ATP9A: variants seen among roughly 807,000 people sequenced by gnomAD.
The protein encoded by ATP9A is ATPase phospholipid transporting 9A.
A neutral mutation model predicts 144.1 loss-of-function variants in ATP9A; 52 were observed. The observed-to-expected ratio is 0.36, with a 90% CI of 0.29 to 0.45. ATP9A has a LOEUF of 0.45. Among genes scored for constraint, ATP9A ranks in the 20% least tolerant of loss-of-function variants. The pLI, the probability that ATP9A is intolerant of heterozygous loss-of-function variation, is 1.00. For synonymous variants in ATP9A, 582 were observed against 557.4 expected (o/e 1.04, Z -0.62); for missense variants, 947 against 1,392.7 (o/e 0.68, Z 5.09).
chr20:51,661,405 C>A (rs922355283), intron 13 of ATP9A, among the ~76,000 whole-genome samples: 1 of 151,744 alleles, frequency 6.6e-6, no homozygotes, highest in Non-Finnish European at 1.5e-5. Context: ...ACTCTGTTGC[C>A]CAGGCTGGAG....
intron 3 of ATP9A, among the ~76,000 whole-genome samples, chr20:51,714,393 T>TGTC (rs1258201709): frequency 2.6e-5 from 4 of 151,810 alleles, no homozygotes; most frequent in Non-Finnish European, 5.9e-5. Context: ...TTGTTGTTGT[T>TGTC]GTCATTGTTA....
intron 1 of ATP9A, among the ~76,000 whole-genome samples, chr20:51,757,199 G>A (rs141762590): frequency 0.024 from 3,666 of 152,234 alleles, 64 homozygotes; most frequent in Non-Finnish European, 0.038. Flanking sequence ...CATATTTTTA[G>A]TAGAGACAGG....
intron 10 of ATP9A, 84 bp from the exon 11 acceptor site, chr20:51,674,397 G>T (rs1241525056): frequency 1.4e-6 from 2 of 1,429,744 alleles, no homozygotes; most frequent in Non-Finnish European, 1.9e-6. Flanking sequence ...AGGCTGCAGT[G>T]AGCTGAGCCT....
intron 1 of ATP9A, among the ~76,000 whole-genome samples, chr20:51,741,024 TA>T (rs1374918435): frequency 2.2e-4 from 33 of 151,912 alleles, no homozygotes; most frequent in African/African-American, 8.0e-4. Flanking sequence ...TAATTAAAAT[TA>T]AATTTTAATT....
intron 10 of ATP9A, among the ~76,000 whole-genome samples, chr20:51,675,612 G>C (rs1406864426): frequency 6.6e-6 from 1 of 152,228 alleles, no homozygotes; most frequent in Non-Finnish European, 1.5e-5. Flanking sequence ...GGGCGCCATG[G>C]CTCACGCCTG....
rs553663547 is a variant in ATP9A at position 51,605,494 on chromosome 20, T to C, written c.2804-474A>G. ...TTAGCCAGGCATGGTGGCATGCACCTGTAGTCCCAGCTACTCAGGAGGCTG... is the reference window on the plus strand; with the variant it reads ...TTAGCCAGGCATGGTGGCATGCACCCGTAGTCCCAGCTACTCAGGAGGCTG... On this transcript the variant is annotated intron_variant, in intron 26 of 27. Transcript: ENST00000338821. Among the ~76,000 whole-genome samples, 20 of 152,296 alleles carry C rather than the reference T, an allele frequency of 1.3e-4. 1 individual carries two copies. The South Asian group carries it at 4.1e-3, about 32-fold the overall frequency.
chr20:51,723,563 CTTTTT>C lies in ATP9A; in HGVS notation c.327+2251_327+2255del, dbSNP rs753282602. Among the ~76,000 whole-genome samples, 88 of 133,248 alleles carry C rather than the reference CTTTTT, an allele frequency of 6.6e-4. 3 individuals are homozygous for C. The highest frequency in any genetic ancestry group is 5.2e-4 in the African/African-American group (19 of 36,812). The allele number at this position is 133,248 out of a possible 152,430, so 87.4% of individuals were successfully genotyped here. A position where few individuals can be genotyped will look rare whatever the true frequency, so the allele number is the denominator to read the frequency against. ...ACTACAGCCTGGGCAACAGCAAATT[CTTTTT>C]TTTTTTTTTTTTTTTGAGACGGAGT... On this transcript the variant is annotated intron_variant, in intron 3 of 27. Coordinates refer to ENST00000338821, the MANE Select transcript of ATP9A (RefSeq NM_006045.3).
chr20:51,625,464 C>G, intron 17 of ATP9A, 102 bp from the exon 18 acceptor site: 3 of 1,332,168 alleles, frequency 2.3e-6, no homozygotes, highest in Admixed American at 4.9e-5. Flanking sequence ...CCCCACCACA[C>G]GGGGTGGGGG....
intron 13 of ATP9A, among the ~76,000 whole-genome samples, chr20:51,669,315 T>A (rs551718388): frequency 1.4e-4 from 22 of 152,328 alleles, no homozygotes; most frequent in Non-Finnish European, 2.8e-4. Flanking sequence ...TCTAACACTT[T>A]AGGAATATTA....
intron 1 of ATP9A, 135 bp downstream of exon 1, chr20:51,768,167 G>A: frequency 2.6e-6 from 1 of 383,424 alleles, no homozygotes; most frequent in Non-Finnish European, 4.0e-6. Context: ...CCACCTCCCC[G>A]CCTCCCCAGC....
chr20:51,609,655 C>T (rs1181335378), intron 24 of ATP9A, among the ~76,000 whole-genome samples: 4 of 152,138 alleles, frequency 2.6e-5, no homozygotes, highest in Non-Finnish European at 2.9e-5. Flanking sequence ...TGCACATCCC[C>T]GAGGCAGTGG....
Position 51,618,949 on chromosome 20 carries a change from CT to C in ATP9A, c.2205+4del. On this transcript the variant is annotated splice_donor_region_variant and intron_variant, in intron 20 of 27. Transcript: ENST00000338821. ...GGACTGGCTCTCAGGGGTCCCCAAG[CT>C]CACCTCCAGGGAGTCTCCCGAGATG... 1 of 1,613,924 alleles carries C rather than the reference CT, an allele frequency of 6.2e-7. No individual in the cohort carries two copies. The highest frequency in any genetic ancestry group is 2.2e-5 in the East Asian group (1 of 44,882).
In ATP9A at chr20:51,669,584, G is replaced by C. The variant is rs370629780; in HGVS notation, c.1293+413C>G. Among the ~76,000 whole-genome samples, 7 of 152,314 alleles carry C rather than the reference G, an allele frequency of 4.6e-5. No individual in the cohort carries two copies. In the East Asian group the frequency reaches 7.7e-4, roughly 17 times the overall value. ...ACATCAACGTGGTCGTAAACTTGAA[G>C]TATAATCAACCAGCAGGTTCCTTCT... is the stretch of plus-strand genomic sequence containing the variant. On this transcript the variant is annotated intron_variant, in intron 13 of 27. Coordinates refer to ENST00000338821, the MANE Select transcript of ATP9A (RefSeq NM_006045.3).
chr20:51,711,019 A>T (rs1184971702), intron 4 of ATP9A, among the ~76,000 whole-genome samples: 3 of 152,150 alleles, frequency 2.0e-5, no homozygotes, highest in Non-Finnish European at 4.4e-5. Flanking sequence ...TATGTTATTA[A>T]GGGAGGATTT....
chr20:51,647,611 T>C (rs1158528469), intron 14 of ATP9A, among the ~76,000 whole-genome samples: 1 of 151,874 alleles, frequency 6.6e-6, no homozygotes, highest in Non-Finnish European at 1.5e-5. Context: ...ATGCCTATAG[T>C]CCCAGCTACC....
intron 15 of ATP9A, among the ~76,000 whole-genome samples, chr20:51,635,354 C>T (rs2077286386): frequency 6.6e-6 from 1 of 152,152 alleles, no homozygotes; most frequent in African/African-American, 2.4e-5. Context: ...CCCTTGAGCC[C>T]AGGCTGTGAG....
At position 51,689,113 on chromosome 20, in the gene ATP9A, C is replaced by T. The variant is rs199881033; in HGVS notation, c.750G>A (p.Glu250=). ...ACAGCGTGTTCTCTATGCTCAGGCT[C>T]TCGCTGATCGGGGGGTCGCTGTCTT... ...TREDSDPPIS[E]SLSIENTLWA... Residue 250 remains glutamate, a synonymous_variant, in exon 9 of 28, where the codon GAG becomes GAA. Transcript: ENST00000338821. The T allele has an allele frequency of 9.3e-6, 15 of 1,614,118 alleles. No homozygotes were observed. Among genetic ancestry groups the T allele is most frequent in the Middle Eastern group, 1.6e-4 (1 of 6,062 alleles).
intron 7 of ATP9A, among the ~76,000 whole-genome samples, chr20:51,691,491 T>C (rs992700587): frequency 6.6e-6 from 1 of 152,080 alleles, no homozygotes; most frequent in Non-Finnish European, 1.5e-5. Flanking sequence ...AAAATACTCA[T>C]TCAACAAATG....
At chr20:51,747,835 CT>C (rs2077815037) in intron 1 of ATP9A, among the ~76,000 whole-genome samples, 1 of 152,172 alleles carries the variant, frequency 6.6e-6, no homozygotes, top group Non-Finnish European at 1.5e-5. Context: ...ACCTTCTCAC[CT>C]TTTCATCTCT....
Sources: gnomAD v4.1 joint callset for allele counts (sites outside exome capture counted in the v4.1 genomes callset) on GRCh38, gnomAD v4.1.1 for gene constraint, MANE v1.5 for transcripts, NCBI Gene and HGNC (gene_info 2026-07-23, HGNC 2026-07-21) for gene names.